Variants in LIFR observed in about 807,000 individuals in gnomAD.
The protein encoded by LIFR is LIF receptor subunit alpha.
LIFR carries 84 observed loss-of-function variants against 122.2 expected under a neutral mutation model. The observed-to-expected ratio is 0.69, with a 90% CI of 0.58 to 0.82. The LOEUF is 0.82. Ranked by LOEUF, LIFR falls within the 40% of genes least tolerant of loss-of-function variation. The probability of loss-of-function intolerance (pLI) is 0.00; values close to 1 mark genes in which losing one functional copy is unlikely to be tolerated. For synonymous variants in LIFR, 422 were observed against 434.7 expected (o/e 0.97, Z 0.36); for missense variants, 1,294 against 1,311.6 (o/e 0.99, Z 0.21).
At chr5:38,535,247 T>C (rs1253400171) in intron 1 of LIFR, among the ~76,000 whole-genome samples, 6 of 152,154 alleles carry the variant, frequency 3.9e-5, no homozygotes, top group Admixed American at 2.6e-4. Flanking sequence ...CAGCACCCTT[T>C]TTCCCTTCTT....
intron 1 of LIFR, among the ~76,000 whole-genome samples, chr5:38,555,272 T>A (rs1347083255): frequency 6.6e-6 from 1 of 152,188 alleles, no homozygotes. Flanking sequence ...AACAGTGAAA[T>A]GTAATTTCAG....
chr5:38,475,495 C>T lies in LIFR; in HGVS notation c.*6100G>A, dbSNP rs188682396. 1.2e-3 allele frequency: 224 copies of T among 194,668 alleles called. 2 individuals carry two copies. Among genetic ancestry groups the T allele is most frequent in the Non-Finnish European group, 6.3e-4 (59 of 93,374 alleles). 12.1% of individuals were successfully genotyped at this position (194,668 alleles called of 1,614,324 possible). A position where few individuals can be genotyped will look rare whatever the true frequency, so the allele number is the denominator to read the frequency against. On this transcript the variant is annotated 3_prime_UTR_variant, in exon 20 of 20. Transcript: ENST00000453190. ...ATGAAAAAGGGAACAGTTTGGGATC[C>T]GCAGTTTCTCCCTATCTTCTTTCAG...
chr5:38,507,757 T>G, intron 7 of LIFR, among the ~76,000 whole-genome samples: 1 of 152,058 alleles, frequency 6.6e-6, no homozygotes. Flanking sequence ...TTAAAAATTC[T>G]GTAAAATTTT....
chr5:38,552,824 T>C (rs141911015), intron 1 of LIFR, among the ~76,000 whole-genome samples: 74 of 152,340 alleles, frequency 4.9e-4, no homozygotes, highest in African/African-American at 1.8e-3. Flanking sequence ...TCTAAGTATT[T>C]TGACCAAAAG....
chr5:38,499,844 T>C (rs1372401408), intron 11 of LIFR, among the ~76,000 whole-genome samples: 2 of 152,008 alleles, frequency 1.3e-5, no homozygotes, highest in Non-Finnish European at 2.9e-5. Context: ...ATCCTCTCAC[T>C]CCCTCCTTTC....
At chr5:38,595,727 C>CTTTTTT (rs70978897), upstream of LIFR, among the ~76,000 whole-genome samples, 2 of 91,976 alleles carry the variant, frequency 2.2e-5, no homozygotes, top group South Asian at 5.1e-4. Flanking sequence ...CACAATAGGT[C>CTTTTTT]TTTTTTTTTT....
At chr5:38,536,451 G>A (rs1747301846) in intron 1 of LIFR, among the ~76,000 whole-genome samples, 1 of 152,102 alleles carries the variant, frequency 6.6e-6, no homozygotes, top group Admixed American at 6.5e-5. Context: ...TCATATGAGA[G>A]GATAAGCACA....
intron 5 of LIFR, among the ~76,000 whole-genome samples, chr5:38,515,873 C>T (rs1561165461): frequency 6.6e-6 from 1 of 151,814 alleles, no homozygotes; most frequent in Non-Finnish European, 1.5e-5. Flanking sequence ...CAGACAAGTG[C>T]CTCACAAATG....
At chr5:38,517,725 C>T (rs1746163654) in intron 5 of LIFR, among the ~76,000 whole-genome samples, 1 of 151,464 alleles carries the variant, frequency 6.6e-6, no homozygotes, top group Non-Finnish European at 1.5e-5. Context: ...GGCGTGGTGG[C>T]ATGTGCCTGT....
In LIFR at chr5:38,479,270, C is replaced by A. The variant is rs887966775; in HGVS notation, c.*2325G>T. The A allele has an allele frequency of 4.3e-6, 1 of 231,910 alleles. No individual in the cohort carries two copies. The highest frequency in any genetic ancestry group is 1.3e-3 in the Middle Eastern group (1 of 778). 14.4% of individuals were successfully genotyped at this position (231,910 alleles called of 1,614,324 possible). ...ACACAGCAACTTATAAGGAGCTTGC[C>A]CAGACTTAATAGCGTTACTCTGCTT... On this transcript the variant is annotated 3_prime_UTR_variant, in exon 20 of 20. Coordinates refer to ENST00000453190, the MANE Select transcript of LIFR (RefSeq NM_001127671.2).
rs764032829 is a variant in LIFR at position 38,493,593 on chromosome 5, T to G, written c.2065+13A>C. The stretch of plus-strand genomic sequence containing the variant: ...TTTGTAGAACTTAATTGAGAGACAC[T>G]AATTCATCTTACCAGATTCTATTAC... On this transcript the variant is annotated intron_variant, in intron 14 of 19. Coordinates refer to ENST00000453190, the MANE Select transcript of LIFR (RefSeq NM_001127671.2). 2 of 1,610,404 alleles carry G rather than the reference T, an allele frequency of 1.2e-6. No homozygotes were observed. The highest frequency in any genetic ancestry group is 1.7e-6 in the Non-Finnish European group (2 of 1,176,556).
At chr5:38,519,898 A>G (rs1746310498) in intron 5 of LIFR, among the ~76,000 whole-genome samples, 1 of 152,062 alleles carries the variant, frequency 6.6e-6, no homozygotes, top group African/African-American at 2.4e-5. Flanking sequence ...GATTCCACAT[A>G]TTTTCTATTG....
Position 38,476,612 on chromosome 5 carries a change from T to TA in LIFR, c.*4982dup, listed in dbSNP as rs772471379. On this transcript the variant is annotated 3_prime_UTR_variant, in exon 20 of 20. Coordinates refer to ENST00000453190, the MANE Select transcript of LIFR (RefSeq NM_001127671.2). ...AATATAAATCAACTTTCTTATCAAT[T>TA]AGACATTTTCCCCACTCACATCTCT... 2.3e-4 allele frequency: 47 copies of TA among 205,170 alleles called. 1 individual carries two copies. The highest frequency in any genetic ancestry group is 6.2e-4 in the African/African-American group (27 of 43,766). 12.7% of individuals were successfully genotyped at this position (205,170 alleles called of 1,614,324 possible).
intron 1 of LIFR, among the ~76,000 whole-genome samples, chr5:38,532,490 G>A (rs529435217): frequency 1.3e-5 from 2 of 152,278 alleles, no homozygotes; most frequent in South Asian, 4.1e-4. Flanking sequence ...TAGCGAGCTC[G>A]CACAAAGCCT....
At chr5:38,581,496 C>T (rs939414859) in intron 1 of LIFR, among the ~76,000 whole-genome samples, 17 of 152,188 alleles carry the variant, frequency 1.1e-4, no homozygotes, top group Non-Finnish European at 2.1e-4. Context: ...TCCTAAGGTA[C>T]GCTGCTGTAA....
At chr5:38,511,738 G>A in intron 6 of LIFR, 52 bp downstream of exon 6, 1 of 1,545,090 alleles carries the variant, frequency 6.5e-7, no homozygotes, top group African/African-American at 1.4e-5. Context: ...TTACTCTTAA[G>A]TGAGACTAAT....
At chr5:38,566,593 G>A (rs937366057) in intron 1 of LIFR, among the ~76,000 whole-genome samples, 1 of 152,184 alleles carries the variant, frequency 6.6e-6, no homozygotes, top group Non-Finnish European at 1.5e-5. Flanking sequence ...ATAACACTGA[G>A]TTAAACAGCT....
chr5:38,483,792 T>C (rs868697137), intron 18 of LIFR, among the ~76,000 whole-genome samples: 1 of 152,230 alleles, frequency 6.6e-6, no homozygotes, highest in Non-Finnish European at 1.5e-5. Context: ...TAGACTATTC[T>C]ATAGTTCTAC....
intron 13 of LIFR, among the ~76,000 whole-genome samples, chr5:38,495,193 G>A (rs571299396): frequency 2.0e-5 from 3 of 152,272 alleles, no homozygotes; most frequent in Admixed American, 2.0e-4. Context: ...TGCTAGTTCT[G>A]TAAATTACCA....
Sources: allele counts gnomAD v4.1 joint callset (sites outside exome capture counted in the v4.1 genomes callset), GRCh38; gene constraint gnomAD v4.1.1; transcripts MANE v1.5; gene names NCBI Gene and HGNC (gene_info 2026-07-23, HGNC 2026-07-21).